Variants in TTC39C observed in about 807,000 individuals in gnomAD.
The protein encoded by TTC39C is tetratricopeptide repeat domain 39C.
Under a neutral mutation model 76.3 loss-of-function variants are expected in TTC39C, and 33 were observed. The ratio of observed to expected loss-of-function variants is 0.43; its 90% CI spans 0.33 to 0.58. The LOEUF is 0.58. Among genes scored for constraint, TTC39C ranks in the 20% least tolerant of loss-of-function variants. TTC39C has a pLI of 0.04. For synonymous variants in TTC39C, 254 were observed against 260.6 expected (o/e 0.97, Z 0.24); for missense variants, 595 against 701.4 (o/e 0.85, Z 1.71).
chr18:24,076,594 G>A lies in TTC39C; in HGVS notation c.461-3991G>A, dbSNP rs2084310799. 2.0e-5 allele frequency among the ~76,000 whole-genome samples: 3 copies of A among 152,026 alleles called. No homozygotes were observed. The South Asian group carries it at 6.3e-4, about 32-fold the overall frequency. On this transcript the variant is annotated intron_variant, in intron 4 of 13. Coordinates refer to ENST00000317571, the MANE Select transcript of TTC39C (RefSeq NM_001135993.2). Reference sequence around the variant, plus strand: ...GGAATTTTTGCTTTACAGAGTGTGGGATGGAGAGTAGGGCAAGTCCCGAGA... The same window carrying A: ...GGAATTTTTGCTTTACAGAGTGTGGAATGGAGAGTAGGGCAAGTCCCGAGA...
intron 4 of TTC39C, among the ~76,000 whole-genome samples, chr18:24,074,986 T>C (rs2145748840): frequency 6.6e-6 from 1 of 152,178 alleles, no homozygotes; most frequent in East Asian, 1.9e-4. Context: ...AAAGGATGAG[T>C]TCATGTCCTT....
At chr18:24,068,511 C>T (rs1406960645) in intron 3 of TTC39C, among the ~76,000 whole-genome samples, 2 of 152,112 alleles carry the variant, frequency 1.3e-5, no homozygotes, top group African/African-American at 4.8e-5. Flanking sequence ...GCAGAGTGTT[C>T]TATTCTGAAG....
chr18:24,078,399 ACTT>A (rs2084334175), intron 4 of TTC39C, among the ~76,000 whole-genome samples: 1 of 152,192 alleles, frequency 6.6e-6, no homozygotes, highest in African/African-American at 2.4e-5. Flanking sequence ...TTTAGCTATG[ACTT>A]CTTACAGCTA....
At chr18:24,042,145 C>T (rs1253662867) in intron 1 of TTC39C, among the ~76,000 whole-genome samples, 1 of 152,074 alleles carries the variant, frequency 6.6e-6, no homozygotes, top group African/African-American at 2.4e-5. Context: ...ATGTCTAAAT[C>T]GAGTGTTTTG....
At chr18:24,031,164 G>A (rs1188721013) in intron 1 of TTC39C, among the ~76,000 whole-genome samples, 2 of 150,736 alleles carry the variant, frequency 1.3e-5, no homozygotes, top group Non-Finnish European at 2.9e-5. Context: ...CGCCATGTTG[G>A]CCAGGCTGGT....
At chr18:23,997,639 G>A (rs1284983838) in intron 1 of TTC39C, among the ~76,000 whole-genome samples, 1 of 125,652 alleles carries the variant, frequency 8.0e-6, no homozygotes, top group African/African-American at 3.1e-5. Context: ...AAGAGAGGGA[G>A]GGAGGAAGGA....
chr18:24,034,644 C>G (rs2083711893), intron 1 of TTC39C, among the ~76,000 whole-genome samples: 1 of 73,442 alleles, frequency 1.4e-5, no homozygotes, highest in African/African-American at 4.1e-5. Context: ...TTTCCCATTT[C>G]TCCCTAGCCC....
intron 6 of TTC39C, among the ~76,000 whole-genome samples, chr18:24,087,327 A>C (rs749809118): frequency 6.6e-6 from 1 of 152,162 alleles, no homozygotes; most frequent in Non-Finnish European, 1.5e-5. Context: ...TTCTTCTTTA[A>C]GCAATACAGA....
chr18:24,073,415 C>G (rs1374018596), intron 4 of TTC39C, among the ~76,000 whole-genome samples: 1 of 152,202 alleles, frequency 6.6e-6, no homozygotes, highest in Non-Finnish European at 1.5e-5. Context: ...CTTTTATTCA[C>G]CTTGCCCTCT....
At chr18:24,091,938 A>C (rs1405303445) in intron 6 of TTC39C, among the ~76,000 whole-genome samples, 1 of 151,340 alleles carries the variant, frequency 6.6e-6, no homozygotes, top group Non-Finnish European at 1.5e-5. Flanking sequence ...AAAAAAATGC[A>C]AAAAATTAGC....
chr18:24,069,451 G>A (rs1283091953), intron 4 of TTC39C, among the ~76,000 whole-genome samples, 180 bp downstream of exon 4: 1 of 152,178 alleles, frequency 6.6e-6, no homozygotes, highest in Non-Finnish European at 1.5e-5. Context: ...GTTTAGTGGA[G>A]CAGTTTTTGT....
chr18:24,127,345 C>T (rs975712199), intron 10 of TTC39C, among the ~76,000 whole-genome samples: 2 of 152,268 alleles, frequency 1.3e-5, no homozygotes. Flanking sequence ...AACTCTGCAT[C>T]GTGCCCTCCC....
intron 1 of TTC39C, among the ~76,000 whole-genome samples, chr18:24,052,034 C>T (rs961852099): frequency 2.6e-5 from 4 of 152,090 alleles, no homozygotes; most frequent in African/African-American, 9.7e-5. Flanking sequence ...AATAAATGCT[C>T]TGCAGAGAAT....
intron 6 of TTC39C, among the ~76,000 whole-genome samples, chr18:24,083,669 G>C (rs887410732): frequency 6.6e-6 from 1 of 152,152 alleles, no homozygotes; most frequent in Non-Finnish European, 1.5e-5. Context: ...GATCTAAGAG[G>C]GCTTCAAGCA....
intron 1 of TTC39C, among the ~76,000 whole-genome samples, chr18:24,008,667 A>C (rs531827247): frequency 1.4e-4 from 22 of 152,340 alleles, no homozygotes; most frequent in Non-Finnish European, 2.4e-4. Context: ...TCGACCCAGC[A>C]TTCCCATTAT....
intron 1 of TTC39C, chr18:24,020,168 A>G: frequency 2.5e-6 from 3 of 1,189,598 alleles, no homozygotes; most frequent in Non-Finnish European, 2.1e-6. Flanking sequence ...AAGACAGGAA[A>G]CTCATCTGTT....
At chr18:24,126,426 T>TAAA (rs35976434) in intron 10 of TTC39C, among the ~76,000 whole-genome samples, 2 of 110,066 alleles carry the variant, frequency 1.8e-5, no homozygotes, top group East Asian at 5.4e-4. Flanking sequence ...CCTATTTCTT[T>TAAA]AAAAAAAAAA....
intron 3 of TTC39C, 121 bp downstream of exon 3, chr18:24,066,261 A>G: frequency 7.8e-7 from 1 of 1,279,696 alleles, no homozygotes; most frequent in Non-Finnish European, 1.1e-6. Flanking sequence ...GAAAAACCAC[A>G]ATGTTTCTTA....
chr18:24,102,057 C>A (rs997560192), intron 6 of TTC39C, among the ~76,000 whole-genome samples: 3 of 152,178 alleles, frequency 2.0e-5, no homozygotes, highest in African/African-American at 7.2e-5. Context: ...GGCAGTACCT[C>A]CCACTAGGAG....
Sources: gnomAD v4.1 joint callset for allele counts (sites outside exome capture counted in the v4.1 genomes callset) on GRCh38, gnomAD v4.1.1 for gene constraint, MANE v1.5 for transcripts, NCBI Gene and HGNC (gene_info 2026-07-23, HGNC 2026-07-21) for gene names.